Variants in ANO6 observed in about 807,000 individuals in gnomAD.
ANO6 encodes anoctamin 6.
ANO6 carries 106 observed loss-of-function variants against 117.5 expected under a neutral mutation model. The ratio of observed to expected loss-of-function variants is 0.90; its 90% CI spans 0.77 to 1.06. ANO6 has a LOEUF of 1.06. ANO6 is among the 50% of genes least tolerant of loss of function. ANO6 has a pLI of 0.00. For synonymous variants in ANO6, 367 were observed against 385.1 expected, an observed-to-expected ratio of 0.95 and a Z score of 0.55; for missense variants, 955 against 1,121.1, an observed-to-expected ratio of 0.85 and a Z score of 2.12.
chr12:45,287,378 G>A (rs1938951722), intron 1 of ANO6, among the ~76,000 whole-genome samples: 1 of 152,126 alleles, frequency 6.6e-6, no homozygotes, highest in Non-Finnish European at 1.5e-5. Flanking sequence ...ACTTCTCCAT[G>A]CCTCTTCATC....
chr12:45,403,489 C>A lies in ANO6; in HGVS notation c.1833C>A (p.Ile611=), dbSNP rs139407160. Residue 611 remains isoleucine, a synonymous_variant, in exon 15 of 20, where the codon ATC becomes ATA. Coordinates refer to ENST00000320560, the MANE Select transcript of ANO6 (RefSeq NM_001025356.3). ...AACTGACAACTCAGCTGACAATAAT[C>A]ATGGGAGGAAAAGCAATCTGGAATA... ...LLELTTQLTI[I]MGGKAIWNNI... is the part of the protein sequence containing the mutation. 3.1e-6 allele frequency: 5 copies of A among 1,613,892 alleles called. No homozygotes were observed. In the African/African-American group the frequency reaches 6.7e-5, roughly 22 times the overall value.
At chr12:45,343,369 T>C (rs981115115) in intron 3 of ANO6, among the ~76,000 whole-genome samples, 1 of 152,136 alleles carries the variant, frequency 6.6e-6, no homozygotes, top group African/African-American at 2.4e-5. Flanking sequence ...CTGAAATTCA[T>C]GACTGAATTT....
chr12:45,439,416 G>A (rs1051755183), intron 19 of ANO6, among the ~76,000 whole-genome samples: 2 of 152,144 alleles, frequency 1.3e-5, no homozygotes, highest in African/African-American at 4.8e-5. Flanking sequence ...CATCTGGTCT[G>A]CCCAGTTGGA....
intron 1 of ANO6, among the ~76,000 whole-genome samples, chr12:45,290,646 A>G (rs1459862485): frequency 1.3e-5 from 2 of 152,236 alleles, no homozygotes; most frequent in African/African-American, 2.4e-5. Flanking sequence ...CATTTATAGA[A>G]TATCAGCTGT....
At chr12:45,262,930 G>A (rs1488618410) in intron 1 of ANO6, among the ~76,000 whole-genome samples, 1 of 152,204 alleles carries the variant, frequency 6.6e-6, no homozygotes, top group Admixed American at 6.5e-5. Context: ...TTCAGGACCT[G>A]TTGGAGGAAA....
chr12:45,275,651 A>C (rs769871334), intron 1 of ANO6, among the ~76,000 whole-genome samples: 11 of 152,168 alleles, frequency 7.2e-5, no homozygotes, highest in Non-Finnish European at 1.6e-4. Context: ...GAGTCATTCA[A>C]GATCTGTGTG....
chr12:45,369,753 A>G (rs1328175270), intron 9 of ANO6, among the ~76,000 whole-genome samples: 1 of 152,190 alleles, frequency 6.6e-6, no homozygotes, highest in Non-Finnish European at 1.5e-5. Context: ...TAATTTACAG[A>G]TATGCTTACC....
chr12:45,398,232 G>A (rs1942681574), intron 12 of ANO6, among the ~76,000 whole-genome samples: 3 of 152,066 alleles, frequency 2.0e-5, no homozygotes, highest in Admixed American at 2.0e-4. Flanking sequence ...TGGCTAAAGA[G>A]ACAGAACATT....
intron 8 of ANO6, among the ~76,000 whole-genome samples, chr12:45,361,477 G>A (rs1192211326): frequency 6.6e-6 from 1 of 152,076 alleles, no homozygotes; most frequent in Admixed American, 6.5e-5. Context: ...ATGTCATACT[G>A]TCTGTGAACA....
rs181719979 is a variant in ANO6, at chr12:45,226,930, G to A, written c.70+10539G>A. ...TAAACAAGCTGTGAATGCCTAAATT[G>A]CATAAAACATAAGATATTCTTTATT... is the stretch of plus-strand genomic sequence containing the variant. On this transcript the variant is annotated intron_variant, in intron 1 of 19. Coordinates refer to ENST00000320560, the MANE Select transcript of ANO6 (RefSeq NM_001025356.3). Among the ~76,000 whole-genome samples the A allele has an allele frequency of 6.4e-4, 95 of 149,266 alleles. 1 individual carries two copies. Among genetic ancestry groups the A allele is most frequent in the African/African-American group, 2.3e-3 (93 of 40,670 alleles).
Position 45,423,080 on chromosome 12 carries a change from TCAAA to T in ANO6, c.2526+21_2526+24del, listed in dbSNP as rs1943407909. 2.6e-6 allele frequency: 4 copies of T among 1,567,518 alleles called. No homozygotes were observed. The highest frequency in any genetic ancestry group is 2.2e-5 in the East Asian group (1 of 44,642). On this transcript the variant is annotated intron_variant, in intron 19 of 19. Transcript: ENST00000320560. ...TCATGGAGGTAGGAAAAGTATGCTT[TCAAA>T]CAGTTTATAAGGATGTGTATTTGCA...
At chr12:45,218,578 A>G (rs1287755745) in intron 1 of ANO6, among the ~76,000 whole-genome samples, 1 of 151,752 alleles carries the variant, frequency 6.6e-6, no homozygotes, top group Non-Finnish European at 1.5e-5. Context: ...TTTTGGAAGT[A>G]CAAATTTAAT....
chr12:45,436,554 C>T (rs1943709213), downstream of ANO6, among the ~76,000 whole-genome samples: 1 of 152,170 alleles, frequency 6.6e-6, no homozygotes, highest in African/African-American at 2.4e-5. Flanking sequence ...CATGAGTAAT[C>T]CCCTTGGAGG....
In ANO6 at chr12:45,308,058, T is replaced by TTTTTTTTTTTTTTTG. The variant is rs1939731349; in HGVS notation, c.150+5966_150+5980dup. Among the ~76,000 whole-genome samples, 2 of 124,648 alleles carry TTTTTTTTTTTTTTTG rather than the reference T, an allele frequency of 1.6e-5. 1 individual carries two copies. Among genetic ancestry groups the TTTTTTTTTTTTTTTG allele is most frequent in the Non-Finnish European group, 3.5e-5 (2 of 57,774 alleles). The allele number at this position is 124,648 out of a possible 152,430, so 81.8% of individuals were successfully genotyped here. On this transcript the variant is annotated intron_variant, in intron 2 of 19. Coordinates refer to ENST00000320560, the MANE Select transcript of ANO6 (RefSeq NM_001025356.3). Reference sequence around the variant, plus strand: ...GTGTGTGTGTGTGTAATTTTTTTTTTTTTTTTTTTTTTTTGCCAAGCAAGA... The same window carrying TTTTTTTTTTTTTTTG: ...GTGTGTGTGTGTGTAATTTTTTTTTTTTTTTTTTTTTTTTGTTTTTTTTTTTTTTGCCAAGCAAGA...
chr12:45,348,431 A>G (rs1434365257), intron 5 of ANO6, 87 bp from the exon 6 acceptor site: 1 of 1,551,192 alleles, frequency 6.4e-7, no homozygotes, highest in African/African-American at 1.4e-5. Context: ...GAAATATGCC[A>G]GCAGATTTGT....
At chr12:45,317,113 G>GTGTGTGTGTATATATATATATATATA in intron 2 of ANO6, among the ~76,000 whole-genome samples, 693 of 66,376 alleles carry the variant, frequency 0.01, 96 homozygotes, top group Non-Finnish European at 0.02. Flanking sequence ...CTTTTTATAT[G>GTGTGTGTGTATATATATATATATATA]TATATATATA....
In ANO6 at chr12:45,263,513, A is replaced by T. The variant is rs578106570; in HGVS notation, c.71-38501A>T. Among the ~76,000 whole-genome samples, 5 of 152,020 alleles carry T rather than the reference A, an allele frequency of 3.3e-5. No homozygotes were observed. The East Asian group carries it at 7.7e-4, about 24-fold the overall frequency. ...AGTCGTGAGCTGCCCTGCCTGTCCT[A>T]AAATGTCCTTTTAGGACACTAATAA... On this transcript the variant is annotated intron_variant, in intron 1 of 19. Transcript: ENST00000320560.
At chr12:45,270,581 C>A in intron 1 of ANO6, 1 of 570,712 alleles carries the variant, frequency 1.8e-6, no homozygotes, top group Non-Finnish European at 3.0e-6. Flanking sequence ...TCCCCTCCGA[C>A]TGTCAGTTCC....
intron 3 of ANO6, among the ~76,000 whole-genome samples, chr12:45,341,949 C>A (rs980784717): frequency 2.0e-5 from 3 of 152,106 alleles, no homozygotes; most frequent in African/African-American, 7.2e-5. Flanking sequence ...ATATGCCAAG[C>A]ATCATGCCGA....
Sources: allele counts gnomAD v4.1 joint callset (sites outside exome capture counted in the v4.1 genomes callset), GRCh38; gene constraint gnomAD v4.1.1; transcripts MANE v1.5; gene names NCBI Gene and HGNC (gene_info 2026-07-23, HGNC 2026-07-21).